Variants in PELI3 observed in about 807,000 individuals in gnomAD.
The protein encoded by PELI3 is pellino E3 ubiquitin protein ligase family member 3, also known as E3 ubiquitin-protein ligase pellino homolog 3.
A neutral mutation model predicts 35.5 loss-of-function variants in PELI3; 19 were observed. The observed-to-expected ratio is 0.54, with a 90% CI of 0.37 to 0.79. The LOEUF is 0.79. Ranked by LOEUF, PELI3 falls within the 30% of genes least tolerant of loss-of-function variation. PELI3 has a pLI of 0.00. For synonymous variants in PELI3, 262 were observed against 279.2 expected (o/e 0.94, Z 0.62); for missense variants, 490 against 661.2 (o/e 0.74, Z 2.84).
Position 66,476,404 on chromosome 11 carries a change from G to A in PELI3, c.*237G>A, listed in dbSNP as rs1565261434. The A allele has an allele frequency of 1.8e-6, 1 of 566,598 alleles. No individual in the cohort carries two copies. Among genetic ancestry groups the A allele is most frequent in the Non-Finnish European group, 3.1e-6 (1 of 320,538 alleles). The allele number at this position is 566,598 out of a possible 1,614,324, so 35.1% of individuals were successfully genotyped here. A position where few individuals can be genotyped will look rare whatever the true frequency, so the allele number is the denominator to read the frequency against. On this transcript the variant is annotated 3_prime_UTR_variant, in exon 8 of 8. Coordinates refer to ENST00000320740, the MANE Select transcript of PELI3 (RefSeq NM_145065.3). The stretch of plus-strand genomic sequence containing the variant: ...CCAGCTCTGTCCTGGGTCGATGGAG[G>A]AAAGCCCAGCCCCATGGCCTTGCCC...
At position 66,475,963 on chromosome 11, in the gene PELI3, C is replaced by T. The variant is rs767128060; in HGVS notation, c.1206C>T (p.Ala402=). 26 of 1,611,568 alleles carry T rather than the reference C, an allele frequency of 1.6e-5. No individual in the cohort carries two copies. The highest frequency in any genetic ancestry group is 4.5e-5 in the East Asian group (2 of 44,882). ...TGCCTCTATGGCTTGGCCAGGAGGC[C>T]GGCCTCTGCCTGGACCCTGGGCCGC... is the stretch of plus-strand genomic sequence containing the variant. ...PYVPLWLGQE[A]GLCLDPGPPS... The change falls in exon 8 of 8, where the codon GCC becomes GCT. Residue 402 remains alanine, a synonymous_variant. Transcript: ENST00000320740.
Position 66,476,319 on chromosome 11 carries a change from T to TTTAATGATAC in PELI3, c.*152_*153insTTAATGATAC. On this transcript the variant is annotated 3_prime_UTR_variant, in exon 8 of 8. Transcript: ENST00000320740. ...TGGGCTGTGCCCTTCCCCCCAACTG[T>TTTAATGATAC]GGCCCCCCAAGGAGGTCCCCAAGAT... 6.9e-6 allele frequency: 6 copies of TTTAATGATAC among 869,788 alleles called. No individual in the cohort carries two copies. Among genetic ancestry groups the TTTAATGATAC allele is most frequent in the South Asian group, 3.6e-5 (2 of 55,402 alleles). The allele number at this position is 869,788 out of a possible 1,614,324, so 53.9% of individuals were successfully genotyped here.
At chr11:66,472,247 G>GA (rs1854748664) in intron 4 of PELI3, 122 bp from the exon 5 acceptor site, 1 of 693,462 alleles carries the variant, frequency 1.4e-6, no homozygotes, top group African/African-American at 1.8e-5. Flanking sequence ...CACCCTCTGA[G>GA]AAGGATGGAG....
intron 5 of PELI3, 27 bp downstream of exon 5, chr11:66,472,497 C>T: frequency 6.3e-7 from 1 of 1,586,146 alleles, no homozygotes; most frequent in Non-Finnish European, 8.7e-7. Context: ...CCACACACCT[C>T]CTGGCCACCA....
chr11:66,476,464 G>A lies in PELI3; in HGVS notation c.*297G>A, dbSNP rs545953530. 4.9e-5 allele frequency: 22 copies of A among 449,304 alleles called. No individual in the cohort carries two copies. The highest frequency in any genetic ancestry group is 8.0e-5 in the Non-Finnish European group (20 of 250,130). 27.8% of individuals were successfully genotyped at this position (449,304 alleles called of 1,614,324 possible). A position where few individuals can be genotyped will look rare whatever the true frequency, so the allele number is the denominator to read the frequency against. On this transcript the variant is annotated 3_prime_UTR_variant, in exon 8 of 8. Coordinates refer to ENST00000320740, the MANE Select transcript of PELI3 (RefSeq NM_145065.3). Reference sequence around the variant, plus strand: ...CATCCCACATCGTGCCGCCGACACTGTGTGCCCCTGGGGGAGTGAAGGGGC... The same window carrying A: ...CATCCCACATCGTGCCGCCGACACTATGTGCCCCTGGGGGAGTGAAGGGGC...
chr11:66,467,347 T>C lies in PELI3; in HGVS notation c.-2+320T>C, dbSNP rs1274705346. On this transcript the variant is annotated intron_variant, in intron 1 of 7. Coordinates refer to ENST00000320740, the MANE Select transcript of PELI3 (RefSeq NM_145065.3). The surrounding 1 kb of genome is among the most constrained non-coding windows in gnomAD (Gnocchi z 4.2). Reference sequence around the variant, plus strand: ...CGGGCCTGCCCCGGCGCGGTCCCTCTGGCGCGGGGATGTTTTCCAAACGGG... The same window carrying C: ...CGGGCCTGCCCCGGCGCGGTCCCTCCGGCGCGGGGATGTTTTCCAAACGGG... 6.6e-6 allele frequency: 1 copy of C among 151,974 alleles called. No homozygotes were observed. Among genetic ancestry groups the C allele is most frequent in the Non-Finnish European group, 1.5e-5 (1 of 68,010 alleles). 9.4% of individuals were successfully genotyped at this position (151,974 alleles called of 1,614,324 possible). A position where few individuals can be genotyped will look rare whatever the true frequency, so the allele number is the denominator to read the frequency against.
chr11:66,469,466 C>A (rs914835398), intron 3 of PELI3, among the ~76,000 whole-genome samples: 29 of 152,196 alleles, frequency 1.9e-4, no homozygotes, highest in African/African-American at 6.3e-4. Flanking sequence ...AAGCCTGTGT[C>A]CTGAACTGTC....
chr11:66,471,169 C>T (rs1854701082), intron 3 of PELI3, 73 bp from the exon 4 acceptor site: 2 of 1,510,946 alleles, frequency 1.3e-6, no homozygotes, highest in Admixed American at 1.8e-5. Context: ...CTCCAAGTCT[C>T]ATCAGGGGTT....
At position 66,468,885 on chromosome 11, in the gene PELI3, G is replaced by T; in HGVS notation, c.205G>T (p.Gly69Cys). The change falls in exon 3 of 8, where the codon GGC becomes TGC. Residue 69 changes from glycine (G) to cysteine (C), a missense_variant. Transcript: ENST00000320740. ...ETEAQRGEVTGPRAHSCYNGC... is the reference protein window; with the variant it reads ...ETEAQRGEVTCPRAHSCYNGC... ...CGAGGCTCAGAGAGGGGAAGTGACTGGCCCAAGGGCACACAGCTGGTAAGT... is the reference window on the plus strand; with the variant it reads ...CGAGGCTCAGAGAGGGGAAGTGACTTGCCCAAGGGCACACAGCTGGTAAGT... The T allele has an allele frequency of 2.6e-6, 2 of 776,206 alleles. No individual in the cohort carries two copies. The highest frequency in any genetic ancestry group is 4.8e-6 in the Non-Finnish European group (2 of 415,632). The allele number at this position is 776,206 out of a possible 1,614,324, so 48.1% of individuals were successfully genotyped here.
intron 7 of PELI3, 110 bp from the exon 8 acceptor site, chr11:66,475,488 C>A: frequency 1.6e-6 from 2 of 1,235,152 alleles, no homozygotes; most frequent in Non-Finnish European, 1.1e-6. Flanking sequence ...GCTCCTCTGC[C>A]CTGCCTGCCC....
Position 66,476,085 on chromosome 11 carries a change from A to G in PELI3, c.1328A>G (p.His443Arg), listed in dbSNP as rs1404661442. The G allele has an allele frequency of 1.2e-6, 2 of 1,606,842 alleles. No individual in the cohort carries two copies. Among genetic ancestry groups the G allele is most frequent in the African/African-American group, 2.7e-5 (2 of 74,868 alleles). ...CTGCCCCACGGCACCCATGCTTTCC[A>G]TGCCGCCTGCCCCTTTTGCGGGGCC... ...TPLPHGTHAFHAACPFCGAWL... is the reference protein window; with the variant it reads ...TPLPHGTHAFRAACPFCGAWL... Residue 443 changes from histidine to arginine, a missense_variant, in exon 8 of 8, where the codon CAT becomes CGT. Physicochemically the swap from His to Arg is conservative, Grantham distance 29. This residue lies in a region of PELI3 where 349 missense variants were observed against 484.8 expected (regional missense o/e 0.72). Coordinates refer to ENST00000320740, the MANE Select transcript of PELI3 (RefSeq NM_145065.3).
chr11:66,466,821 A>AG (rs1286301804), upstream of PELI3: 14 of 115,806 alleles, frequency 1.2e-4, no homozygotes, highest in Admixed American at 1.9e-4. Context: ...GAGCTCTCCT[A>AG]GGGGCGGGGA....
intron 2 of PELI3, 144 bp downstream of exon 2, chr11:66,468,424 C>A: frequency 3.9e-6 from 3 of 772,352 alleles, no homozygotes; most frequent in Non-Finnish European, 5.5e-6. Context: ...CAAAATTGAC[C>A]AAACCCACCT....
rs139368303 is a variant in PELI3 at position 66,476,050 on chromosome 11, C to T, written c.1293C>T (p.Ala431=). ...CTGAGAAGACTGCCCGCTACTGGGCCCAGACACCACTGCCCCACGGCACCC... is the reference window on the plus strand; with the variant it reads ...CTGAGAAGACTGCCCGCTACTGGGCTCAGACACCACTGCCCCACGGCACCC... ...VCSEKTARYW[A]QTPLPHGTHA... is the part of the protein sequence containing the mutation. Residue 431 remains alanine (A), a synonymous_variant, in exon 8 of 8, where the codon GCC becomes GCT. Transcript: ENST00000320740. 3.1e-6 allele frequency: 5 copies of T among 1,611,058 alleles called. No individual in the cohort carries two copies. The highest frequency in any genetic ancestry group is 3.4e-6 in the Non-Finnish European group (4 of 1,179,692).
chr11:66,476,307 TCCCC>T lies in PELI3; in HGVS notation c.*143_*146del. 4 of 976,336 alleles carry T rather than the reference TCCCC, an allele frequency of 4.1e-6. No individual in the cohort carries two copies. The highest frequency in any genetic ancestry group is 5.9e-6 in the Non-Finnish European group (4 of 680,584). 60.5% of individuals were successfully genotyped at this position (976,336 alleles called of 1,614,324 possible). ...GGACATGTTGGATGGGCTGTGCCCT[TCCCC>T]CCAACTGTGGCCCCCCAAGGAGGTC... On this transcript the variant is annotated 3_prime_UTR_variant, in exon 8 of 8. Transcript: ENST00000320740.
In PELI3 at chr11:66,468,119, T is replaced by G; in HGVS notation, c.-1-9T>G. On this transcript the variant is annotated splice_polypyrimidine_tract_variant and intron_variant, in intron 1 of 7. Transcript: ENST00000320740. ...CCTACAAAGCTCTTTTCTCTCCCAC[T>G]CTGCCCAGAATGGTGCTGGAAGGAA... 6.3e-7 allele frequency: 1 copy of G among 1,596,044 alleles called. No homozygotes were observed. The highest frequency in any genetic ancestry group is 8.5e-7 in the Non-Finnish European group (1 of 1,170,074).
chr11:66,468,072 T>C, intron 1 of PELI3, 56 bp from the exon 2 acceptor site: 2 of 1,516,010 alleles, frequency 1.3e-6, no homozygotes, highest in Non-Finnish European at 1.8e-6. Flanking sequence ...GCAGCTGGAA[T>C]TGAGCCGGGC....
At position 66,469,707 on chromosome 11, in the gene PELI3, G is replaced by A. The variant is rs11227491; in HGVS notation, c.224+803G>A. The stretch of plus-strand genomic sequence containing the variant: ...CCACACTGGCTGCATATCAGAGCTG[G>A]CTGGAGGGCACTGAAAATACACATT... On this transcript the variant is annotated intron_variant, in intron 3 of 7. Transcript: ENST00000320740. Among the ~76,000 whole-genome samples the A allele has an allele frequency of 5.0e-3, 763 of 152,314 alleles. 3 individuals carry two copies. The highest frequency in any genetic ancestry group is 7.5e-3 in the Non-Finnish European group (508 of 68,024).
At position 66,477,093 on chromosome 11, in the gene PELI3, A is replaced by C. The variant is rs1372720038; in HGVS notation, c.*926A>C. On this transcript the variant is annotated 3_prime_UTR_variant, in exon 8 of 8. Transcript: ENST00000320740. ...CAGAGTCAGGATGGCTGGAGCATGG[A>C]CTGCGGGGGGAACAGAGAAGGGGGT... is the stretch of plus-strand genomic sequence containing the variant. 1 of 150,306 alleles carries C rather than the reference A, an allele frequency of 6.7e-6. No homozygotes were observed. Among genetic ancestry groups the C allele is most frequent in the African/African-American group, 2.5e-5 (1 of 40,752 alleles). 9.3% of individuals were successfully genotyped at this position (150,306 alleles called of 1,614,324 possible). A position where few individuals can be genotyped will look rare whatever the true frequency, so the allele number is the denominator to read the frequency against.
Sources: allele counts gnomAD v4.1 joint callset (sites outside exome capture counted in the v4.1 genomes callset), GRCh38; gene constraint gnomAD v4.1.1; regional missense constraint gnomAD v4.1.1; non-coding constraint Gnocchi (gnomAD v3.1); transcripts MANE v1.5; gene names NCBI Gene and HGNC (gene_info 2026-07-23, HGNC 2026-07-21).